TOP2A: variants seen among roughly 807,000 people sequenced by gnomAD.
The protein encoded by TOP2A is DNA topoisomerase 2-alpha.
TOP2A carries 68 observed loss-of-function variants against 187.2 expected under a neutral mutation model. The ratio of observed to expected loss-of-function variants is 0.36; its 90% CI spans 0.30 to 0.44. TOP2A has a LOEUF of 0.44. Ranked by LOEUF, TOP2A falls within the 20% of genes least tolerant of loss-of-function variation. The pLI, the probability that TOP2A is intolerant of heterozygous loss-of-function variation, is 1.00. For synonymous variants in TOP2A, 542 were observed against 593.2 expected (o/e 0.91, Z 1.25); for missense variants, 1,196 against 1,808.7 (o/e 0.66, Z 6.14).
At chr17:40,390,288 A>G in intron 33 of TOP2A, 124 bp from the exon 34 acceptor site, 1 of 871,758 alleles carries the variant, frequency 1.1e-6, no homozygotes, top group Non-Finnish European at 1.7e-6. Flanking sequence ...TCCTGGGTTC[A>G]AGCGATTCTC....
chr17:40,412,567 C>T (rs532126465), intron 7 of TOP2A, among the ~76,000 whole-genome samples, 192 bp downstream of exon 7: 1 of 152,186 alleles, frequency 6.6e-6, no homozygotes, highest in Non-Finnish European at 1.5e-5. Flanking sequence ...TTGCGTGAAC[C>T]TGGGAGGTGG....
chr17:40,398,516 T>G, intron 27 of TOP2A, 42 bp downstream of exon 27: 1 of 1,468,376 alleles, frequency 6.8e-7, no homozygotes, highest in Non-Finnish European at 9.2e-7. Flanking sequence ...ATATATTATT[T>G]CATTAATAAA....
chr17:40,411,228 T>G lies in TOP2A; in HGVS notation c.1084A>C (p.Ile362Leu), dbSNP rs749632720. 6.2e-7 allele frequency: 1 copy of G among 1,613,064 alleles called. No homozygotes were observed. The highest frequency in any genetic ancestry group is 1.7e-5 in the Admixed American group (1 of 59,852). The change falls in exon 10 of 35, where the codon ATT becomes CTT. Residue 362 changes from isoleucine (I) to leucine (L), a missense_variant. Ile to Leu is a conservative substitution (Grantham distance 5, BLOSUM62 2). Transcript: ENST00000423485. The surrounding 1 kb of genome is among the most constrained non-coding windows in gnomAD (Gnocchi z 4.4). ...TTTTCAATTAAGGCATTTACAAAAA[T>G]CCACATGTGATTTTTCACCTGCAAT... ...KAHQVKNHMWIFVNALIENPT... is the reference protein window; with the variant it reads ...KAHQVKNHMWLFVNALIENPT...
intron 23 of TOP2A, 39 bp from the exon 24 acceptor site, chr17:40,400,106 A>G (rs749538879): frequency 1.3e-6 from 2 of 1,592,244 alleles, no homozygotes; most frequent in Non-Finnish European, 1.7e-6. Context: ...AGAATAGACA[A>G]ATTGGCTAAA....
At chr17:40,395,281 C>CAAAAA (rs755789593) in intron 29 of TOP2A, among the ~76,000 whole-genome samples, 168 bp downstream of exon 29, 6 of 54,862 alleles carry the variant, frequency 1.1e-4, no homozygotes, top group South Asian at 1.3e-3. Context: ...GAAACTGTCT[C>CAAAAA]AAAAAAAAAA....
chr17:40,416,592 T>C, intron 2 of TOP2A, 80 bp from the exon 3 acceptor site: 1 of 1,413,556 alleles, frequency 7.1e-7, no homozygotes, highest in Non-Finnish European at 9.9e-7. Context: ...AAAGTGTTCA[T>C]ATTAAGTATT....
In TOP2A at chr17:40,404,868, G is replaced by A. The variant is rs1260550585; in HGVS notation, c.1969C>T (p.Gln657Ter). The A allele has an allele frequency of 6.3e-7, 1 of 1,585,270 alleles. No individual in the cohort carries two copies. The highest frequency in any genetic ancestry group is 1.3e-5 in the African/African-American group (1 of 74,686). The change falls in exon 17 of 35, where the codon CAG becomes TAG. Residue 657 changes from glutamine (Q) to a stop codon, truncating the protein, a stop_gained. Transcript: ENST00000423485. LOFTEE classifies it high-confidence loss of function. Reference protein sequence around the residue: ...AAISLAFSKKQIDDRKEWLTN... With the variant: ...AAISLAFSKK ...AACCATTCCTTTCGATCATCTATCT[G>A]TTTTTTGCTAAAGGCCTATAAATTA...
In TOP2A at chr17:40,407,571, T is replaced by C. The variant is rs544564789; in HGVS notation, c.1604A>G (p.Lys535Arg). The change falls in exon 13 of 35, where the codon AAG becomes AGG. Residue 535 changes from lysine (K) to arginine (R), a missense_variant. By Grantham distance (26) the Lys-to-Arg change is conservative. Around this residue, in one of 10 missense-constraint regions of TOP2A, gnomAD observed 252 missense variants for 434.8 expected, o/e 0.58. Coordinates refer to ENST00000423485, the MANE Select transcript of TOP2A (RefSeq NM_001067.4). ...EDSLKTLRYG[K>R]IMIMTDQDQD... ...GACCTGATCTGTCATAATCATTATC[T>C]TCCCATAACGAAGCGTCTTCAATGA... 1 of 1,587,132 alleles carries C rather than the reference T, an allele frequency of 6.3e-7. No individual in the cohort carries two copies. Among genetic ancestry groups the C allele is most frequent in the Admixed American group, 2.0e-5 (1 of 50,406 alleles).
At chr17:40,410,252 A>C (rs1428577696) in intron 10 of TOP2A, among the ~76,000 whole-genome samples, 1 of 152,208 alleles carries the variant, frequency 6.6e-6, no homozygotes, top group Non-Finnish European at 1.5e-5. Flanking sequence ...TAAAGTAGCC[A>C]GGTGAAAAGG....
chr17:40,398,914 T>G lies in TOP2A; in HGVS notation c.3312A>C (p.Glu1104Asp). The change falls in exon 26 of 35, where the codon GAA (glutamate) becomes GAC (aspartate). Residue 1104 changes from glutamate to aspartate, a missense_variant. Transcript: ENST00000423485. ...QQKVPDEEEN[E>D]ESDNEKETEK... ...CAGTTTCCTTTTCGTTGTCACTCTC[T>G]TCATTTTCTTCTTCATCTGGAACCT... 2 of 1,608,256 alleles carry G rather than the reference T, an allele frequency of 1.2e-6. No individual in the cohort carries two copies. Among genetic ancestry groups the G allele is most frequent in the Non-Finnish European group, 1.7e-6 (2 of 1,178,106 alleles).
chr17:40,415,899 C>T, intron 4 of TOP2A, 106 bp downstream of exon 4: 2 of 767,788 alleles, frequency 2.6e-6, no homozygotes, highest in Non-Finnish European at 4.4e-6. Flanking sequence ...CTTTTGTGTA[C>T]TTTTCTCAAC....
Position 40,414,985 on chromosome 17 carries a change from C to T in TOP2A, c.332+1020G>A, listed in dbSNP as rs114621747. Among the ~76,000 whole-genome samples, 15 of 151,006 alleles carry T rather than the reference C, an allele frequency of 9.9e-5. No homozygotes were observed. The South Asian group carries it at 2.3e-3, about 23-fold the overall frequency. On this transcript the variant is annotated intron_variant, in intron 4 of 34. Transcript: ENST00000423485. Reference sequence around the variant, plus strand: ...TGGTACTATATTTTAGTTAATAACTCGATATACATTATGGTTCTTGTTCTA... The same window carrying T: ...TGGTACTATATTTTAGTTAATAACTTGATATACATTATGGTTCTTGTTCTA...
At chr17:40,399,419 C>CA (rs2035146646) in intron 24 of TOP2A, among the ~76,000 whole-genome samples, 1 of 152,062 alleles carries the variant, frequency 6.6e-6, no homozygotes, top group Non-Finnish European at 1.5e-5. Flanking sequence ...AGGCTCACTG[C>CA]AGCCTTGACC....
In TOP2A at chr17:40,389,581, AT is replaced by A. The variant is rs2143614683; in HGVS notation, c.4533del (p.Lys1511AsnfsTer9). 2 of 1,605,606 alleles carry A rather than the reference AT, an allele frequency of 1.2e-6. No homozygotes were observed. The highest frequency in any genetic ancestry group is 1.7e-5 in the Admixed American group (1 of 58,848). ...TTTATAGGTTTCTTTGCCCGTACAG[AT>A]TTTGCCCGAGGAGCCACAGCTGAGT... ...DFDSAVAPRA[K>X]SVRAKKPIKY... is the part of the protein sequence containing the mutation. On this transcript the variant is annotated frameshift_variant, in exon 35 of 35. Coordinates refer to ENST00000423485, the MANE Select transcript of TOP2A (RefSeq NM_001067.4). LOFTEE classifies it high-confidence loss of function.
intron 3 of TOP2A, 93 bp from the exon 4 acceptor site, chr17:40,416,161 A>G (rs1348518553): frequency 2.9e-6 from 3 of 1,037,934 alleles, no homozygotes; most frequent in Non-Finnish European, 4.4e-6. Context: ...AAGTTCCCAA[A>G]CAGCACAGGA....
At chr17:40,396,552 T>G in intron 27 of TOP2A, 87 bp from the exon 28 acceptor site, 1 of 1,489,548 alleles carries the variant, frequency 6.7e-7, no homozygotes, top group South Asian at 1.3e-5. Flanking sequence ...TGATTTCATT[T>G]TGTTACATCT....
chr17:40,392,354 C>T lies in TOP2A; in HGVS notation c.3965-13G>A, dbSNP rs776643108. 3.8e-6 allele frequency: 6 copies of T among 1,573,732 alleles called. No individual in the cohort carries two copies. The African/African-American group carries it at 6.8e-5, about 18-fold the overall frequency. On this transcript the variant is annotated splice_polypyrimidine_tract_variant and intron_variant, in intron 30 of 34. Coordinates refer to ENST00000423485, the MANE Select transcript of TOP2A (RefSeq NM_001067.4). ...AATTTTGTTTTTGCTAGTAAAAAAA[C>T]CATATACAAAAAAATCAAAGAGGGT...
At chr17:40,391,425 G>C in intron 33 of TOP2A, 81 bp downstream of exon 33, 2 of 1,344,756 alleles carry the variant, frequency 1.5e-6, no homozygotes. Flanking sequence ...AGTAAGTTTT[G>C]GCAATAAAAA....
intron 27 of TOP2A, among the ~76,000 whole-genome samples, chr17:40,398,013 G>A (rs2035123533): frequency 1.3e-5 from 2 of 151,624 alleles, no homozygotes; most frequent in South Asian, 4.2e-4. Context: ...CCCAACCTCA[G>A]GTGATCTGCC....
Sources: allele counts gnomAD v4.1 joint callset (sites outside exome capture counted in the v4.1 genomes callset), GRCh38; gene constraint gnomAD v4.1.1; regional missense constraint gnomAD v4.1.1; non-coding constraint Gnocchi (gnomAD v3.1); transcripts MANE v1.5; gene names NCBI Gene and HGNC (gene_info 2026-07-23, HGNC 2026-07-21).